Variants in GTPBP1 observed in about 807,000 individuals in gnomAD.
GTPBP1 encodes GTP binding protein 1, also known as GTP-binding protein 1.
Under a neutral mutation model 62.0 loss-of-function variants are expected in GTPBP1, and 23 were observed. The observed-to-expected ratio is 0.37, with a 90% confidence interval of 0.27 to 0.53. The LOEUF (loss-of-function observed/expected upper bound fraction) is 0.53, where lower values mean the gene tolerates loss of function less well. GTPBP1 is among the 20% of genes least tolerant of loss of function. The pLI, the probability that GTPBP1 is intolerant of heterozygous loss-of-function variation, is 0.89. For missense variants in GTPBP1, 640 were observed against 917.3 expected (o/e 0.70, Z 3.90); for synonymous variants, 344 against 364.4 (o/e 0.94, Z 0.64).
chr22:38,741,374 C>T, downstream of GTPBP1: 1 of 1,017,594 alleles, frequency 9.8e-7, no homozygotes. Flanking sequence ...CAGAGGAGGG[C>T]ACTCCCCTCC....
At chr22:38,709,512 A>T (rs546240016) in intron 2 of GTPBP1, among the ~76,000 whole-genome samples, 1 of 152,006 alleles carries the variant, frequency 6.6e-6, no homozygotes, top group African/African-American at 2.4e-5. Context: ...CTCTATTTGC[A>T]TAAGAGGAAA....
chr22:38,738,104 G>A, downstream of GTPBP1: 1 of 1,375,892 alleles, frequency 7.3e-7, no homozygotes, highest in East Asian at 2.3e-5. The surrounding 1 kb of genome is among the most constrained non-coding windows in gnomAD (Gnocchi z 6.6). Context: ...CAGGGTAAGT[G>A]CCCAGGGAGC....
intron 4 of GTPBP1, among the ~76,000 whole-genome samples, chr22:38,719,385 A>G (rs1057267346): frequency 4.6e-5 from 7 of 152,100 alleles, no homozygotes; most frequent in Admixed American, 3.9e-4. Flanking sequence ...GTAGTTCACT[A>G]TAACCTCAAA....
At chr22:38,728,313 G>A (rs936287932) in intron 10 of GTPBP1, 152 bp downstream of exon 10, 1 of 625,342 alleles carries the variant, frequency 1.6e-6, no homozygotes, top group Non-Finnish European at 2.9e-6. Context: ...TACTCCCTTA[G>A]AGGTATCCTG....
At chr22:38,740,440 CAG>C (rs1220075694), downstream of GTPBP1, 1 of 1,484,100 alleles carries the variant, frequency 6.7e-7, no homozygotes, top group Non-Finnish European at 9.0e-7. This position sits in a 1 kb window ranked among gnomAD's most constrained non-coding sequence, Gnocchi z 4.8. Flanking sequence ...ATGCTGGTCC[CAG>C]AGAGAGAAGA....
chr22:38,727,372 C>T lies in GTPBP1; in HGVS notation c.1537+24C>T. 1.3e-6 allele frequency: 2 copies of T among 1,514,920 alleles called. No individual in the cohort carries two copies. Among genetic ancestry groups the T allele is most frequent in the Non-Finnish European group, 1.8e-6 (2 of 1,127,976 alleles). 93.8% of individuals were successfully genotyped at this position (1,514,920 alleles called of 1,614,324 possible). On this transcript the variant is annotated intron_variant, in intron 9 of 11. Transcript: ENST00000216044. The surrounding 1 kb of genome is among the most constrained non-coding windows in gnomAD (Gnocchi z 6.5). The stretch of plus-strand genomic sequence containing the variant: ...GGGTAGGTGTCTAAGGCCCTGCCAG[C>T]CCAGGAGGCCGTCGTGTTAGCTCCC...
downstream of GTPBP1, chr22:38,739,846 A>G: frequency 6.2e-7 from 1 of 1,613,638 alleles, no homozygotes; most frequent in Non-Finnish European, 8.5e-7. The surrounding 1 kb of genome is among the most constrained non-coding windows in gnomAD (Gnocchi z 6.7). Flanking sequence ...CAGCTCTCGC[A>G]GCTGAGCTTG....
At chr22:38,739,220 T>C, downstream of GTPBP1, 4 of 1,156,490 alleles carry the variant, frequency 3.5e-6, no homozygotes, top group Non-Finnish European at 5.2e-6. The surrounding 1 kb of genome is among the most constrained non-coding windows in gnomAD (Gnocchi z 6.7). Flanking sequence ...GGTACTAGGT[T>C]GGGTGATTTC....
chr22:38,741,491 G>T (rs2092857349), downstream of GTPBP1: 2 of 1,613,840 alleles, frequency 1.2e-6, no homozygotes, highest in Non-Finnish European at 1.7e-6. Context: ...CAAGCCCGCT[G>T]ACCTGGGAGG....
At chr22:38,722,954 G>T (rs141781795) in intron 5 of GTPBP1, 1 of 923,042 alleles carries the variant, frequency 1.1e-6, no homozygotes, top group Non-Finnish European at 1.8e-6. Context: ...CAGTTATGAA[G>T]AGACCTCTTA....
In GTPBP1 at chr22:38,731,010, T is replaced by TTGTTTGTGTGTGTGTGTG. The variant is rs577081672; in HGVS notation, c.*309_*310insTTGTGTGTGTGTGTGTGT. 6 of 183,660 alleles carry TTGTTTGTGTGTGTGTGTG rather than the reference T, an allele frequency of 3.3e-5. No individual in the cohort carries two copies. Among genetic ancestry groups the TTGTTTGTGTGTGTGTGTG allele is most frequent in the African/African-American group, 1.6e-4 (6 of 36,974 alleles). 11.4% of individuals were successfully genotyped at this position (183,660 alleles called of 1,614,324 possible). ...TATTATATGTCTCTGTCTCTCTCTA[T>TTGTTTGTGTGTGTGTGTG]TGTGTGTGTGTGTGTGTGTGTGTGT... On this transcript the variant is annotated 3_prime_UTR_variant, in exon 12 of 12. Transcript: ENST00000216044.
intron 4 of GTPBP1, among the ~76,000 whole-genome samples, chr22:38,719,929 C>CTTTTTTTTTTTTTTTTTT (rs374928496): frequency 7.4e-6 from 1 of 135,778 alleles, no homozygotes; most frequent in Admixed American, 7.3e-5. Flanking sequence ...TTCTTTCTTT[C>CTTTTTTTTTTTTTTTTTT]TTTTTTTTTT....
At chr22:38,713,287 G>A (rs981135160) in intron 2 of GTPBP1, among the ~76,000 whole-genome samples, 1 of 152,202 alleles carries the variant, frequency 6.6e-6, no homozygotes, top group Non-Finnish European at 1.5e-5. Context: ...GGCACAAATG[G>A]GGAGGCTGTT....
chr22:38,719,930 T>TTTC (rs2092690812), intron 4 of GTPBP1, among the ~76,000 whole-genome samples: 1 of 112,784 alleles, frequency 8.9e-6, no homozygotes, highest in Non-Finnish European at 1.7e-5. Flanking sequence ...TCTTTCTTTC[T>TTTC]TTTTTTTTTT....
chr22:38,725,806 C>T (rs1464649248), intron 6 of GTPBP1, 200 bp from the exon 7 acceptor site: 4 of 587,710 alleles, frequency 6.8e-6, no homozygotes, highest in Non-Finnish European at 1.2e-5. Context: ...GAGAAGAAGG[C>T]CTCAGAGTAG....
intron 5 of GTPBP1, chr22:38,723,149 G>T (rs1386931124): frequency 2.5e-6 from 2 of 809,898 alleles, no homozygotes; most frequent in Non-Finnish European, 4.4e-6. Context: ...AAATTCCTTA[G>T]CTTTGTCACT....
At chr22:38,735,594 C>T, downstream of GTPBP1, 1 of 197,934 alleles carries the variant, frequency 5.1e-6, no homozygotes, top group Non-Finnish European at 1.1e-5. Context: ...ACAGGGTTGG[C>T]CCTGGGCCCC....
In GTPBP1 at chr22:38,721,210, G is replaced by A. The variant is rs529214910; in HGVS notation, c.835-532G>A. On this transcript the variant is annotated intron_variant, in intron 4 of 11. Coordinates refer to ENST00000216044, the MANE Select transcript of GTPBP1 (RefSeq NM_004286.5). ...TTTTCCTGCCTCAGCCTCCTGAGTAGCTGGGATTACAGGCATGTGCCACCA... is the reference window on the plus strand; with the variant it reads ...TTTTCCTGCCTCAGCCTCCTGAGTAACTGGGATTACAGGCATGTGCCACCA... 3.3e-5 allele frequency among the ~76,000 whole-genome samples: 5 copies of A among 152,316 alleles called. No homozygotes were observed. The East Asian group carries it at 9.6e-4, about 29-fold the overall frequency.
downstream of GTPBP1, chr22:38,740,920 G>T: frequency 7.3e-7 from 1 of 1,374,912 alleles, no homozygotes; most frequent in Non-Finnish European, 1.0e-6. This position sits in a 1 kb window ranked among gnomAD's most constrained non-coding sequence, Gnocchi z 4.8. Context: ...AGAACTCTCT[G>T]CTCTGCGGCT....
Sources: allele counts gnomAD v4.1 joint callset (sites outside exome capture counted in the v4.1 genomes callset), GRCh38; gene constraint gnomAD v4.1.1; non-coding constraint Gnocchi (gnomAD v3.1); transcripts MANE v1.5; gene names NCBI Gene and HGNC (gene_info 2026-07-23, HGNC 2026-07-21).